The following ERAP1 variants were observed in gnomAD, a reference collection of about 807,000 sequenced individuals.
The protein encoded by ERAP1 is adipocyte-derived leucine aminopeptidase.
Under a neutral mutation model 103.7 loss-of-function variants are expected in ERAP1, and 86 were observed. The observed-to-expected ratio is 0.83, with a 90% CI of 0.70 to 0.99. The LOEUF is 0.99. Ranked by LOEUF, ERAP1 falls within the 50% of genes least tolerant of loss-of-function variation. The pLI is 0.00. For missense variants in ERAP1, 1,009 were observed against 1,128.4 expected (o/e 0.89, Z 1.52); for synonymous variants, 398 against 402.4 (o/e 0.99, Z 0.13).
chr5:96,847,156 G>C, the ERAP1 span, among the ~76,000 whole-genome samples: 1 of 150,418 alleles, frequency 6.6e-6, no homozygotes, highest in Non-Finnish European at 1.5e-5. Context: ...GCTGAGGCAG[G>C]AGAATCGCTT....
chr5:96,801,125 A>G (rs1777943502), intron 2 of ERAP1, 125 bp from the exon 3 acceptor site: 1 of 1,083,886 alleles, frequency 9.2e-7, no homozygotes, highest in South Asian at 1.4e-5. Flanking sequence ...AAAATATTTC[A>G]TCTGACAAAA....
intron 19 of ERAP1, among the ~76,000 whole-genome samples, chr5:96,768,186 C>T (rs910765412): frequency 3.9e-5 from 6 of 152,146 alleles, no homozygotes; most frequent in Non-Finnish European, 5.9e-5. Flanking sequence ...TGGGCTCAAG[C>T]AATCCTCCTA....
chr5:96,911,626 C>A, the ERAP1 span, among the ~76,000 whole-genome samples: 1 of 151,984 alleles, frequency 6.6e-6, no homozygotes. Flanking sequence ...TAGCTCATGC[C>A]TGTAAGGCCA....
intron 13 of ERAP1, among the ~76,000 whole-genome samples, chr5:96,784,289 G>A (rs1484754639): frequency 6.6e-6 from 1 of 152,188 alleles, no homozygotes; most frequent in Non-Finnish European, 1.5e-5. Context: ...GAGGTCGGGA[G>A]TTCAAGACCA....
the ERAP1 span, among the ~76,000 whole-genome samples, chr5:96,840,546 G>A: frequency 6.6e-6 from 1 of 152,082 alleles, no homozygotes; most frequent in Non-Finnish European, 1.5e-5. Flanking sequence ...ATGTGTAAAT[G>A]TTTCACTTCT....
At chr5:96,879,965 T>A in the ERAP1 span, 1 of 1,614,202 alleles carries the variant, frequency 6.2e-7, no homozygotes, top group South Asian at 1.1e-5. Flanking sequence ...CTTTGTTGCA[T>A]CTGAGAAGAT....
the ERAP1 span, among the ~76,000 whole-genome samples, chr5:96,843,115 A>G: frequency 5.3e-5 from 8 of 152,244 alleles, no homozygotes; most frequent in African/African-American, 1.9e-4. Flanking sequence ...GCAAGGAAAC[A>G]ATGAAGCAAC....
chr5:96,901,610 C>G, the ERAP1 span: 2 of 1,614,000 alleles, frequency 1.2e-6, no homozygotes, highest in East Asian at 2.2e-5. Flanking sequence ...GGTGTTCACT[C>G]CGACTGCAAC....
the ERAP1 span, among the ~76,000 whole-genome samples, chr5:96,877,210 GGTGATCT>G: frequency 6.6e-6 from 1 of 152,130 alleles, no homozygotes; most frequent in East Asian, 1.9e-4. Context: ...CCTGACCTCA[GGTGATCT>G]GCCCACCTTG....
the ERAP1 span, among the ~76,000 whole-genome samples, chr5:96,827,690 C>T: frequency 1.4e-5 from 2 of 138,582 alleles, no homozygotes; most frequent in African/African-American, 2.7e-5. Flanking sequence ...TAAATAAAAA[C>T]GTTTTTTGGG....
chr5:96,925,233 T>C, the ERAP1 span, among the ~76,000 whole-genome samples: 1 of 152,240 alleles, frequency 6.6e-6, no homozygotes, highest in South Asian at 2.1e-4. Context: ...GCTTACTTTG[T>C]GCCAGTCTCT....
chr5:96,905,106 C>G, the ERAP1 span, among the ~76,000 whole-genome samples: 5 of 151,988 alleles, frequency 3.3e-5, no homozygotes. Flanking sequence ...GCAGTACTTA[C>G]TCAATAAATG....
chr5:96,883,487 T>C, the ERAP1 span, among the ~76,000 whole-genome samples: 8 of 152,250 alleles, frequency 5.3e-5, no homozygotes, highest in Non-Finnish European at 5.9e-5. Flanking sequence ...TTCAGTCATT[T>C]ACTGGCTGCG....
At chr5:96,901,786 C>A in the ERAP1 span, 1 of 1,164,910 alleles carries the variant, frequency 8.6e-7, no homozygotes, top group Non-Finnish European at 1.2e-6. Context: ...ATGCTAGTTC[C>A]ATATAAGAAT....
the ERAP1 span, among the ~76,000 whole-genome samples, chr5:96,865,027 T>C: frequency 6.6e-6 from 1 of 152,174 alleles, no homozygotes; most frequent in South Asian, 2.1e-4. Context: ...TTTTTGTCCT[T>C]TAACTTTTGT....
the ERAP1 span, among the ~76,000 whole-genome samples, chr5:96,890,145 T>TA: frequency 6.6e-6 from 1 of 152,156 alleles, no homozygotes; most frequent in Non-Finnish European, 1.5e-5. Context: ...TCTTAAAAAA[T>TA]AAAAAACGTT....
At chr5:96,850,699 G>A in the ERAP1 span, among the ~76,000 whole-genome samples, 1 of 152,106 alleles carries the variant, frequency 6.6e-6, no homozygotes, top group Non-Finnish European at 1.5e-5. Context: ...ATTCCACGAT[G>A]TATACCTGTA....
the ERAP1 span, chr5:96,892,325 C>T: frequency 1.9e-6 from 3 of 1,613,892 alleles, no homozygotes; most frequent in African/African-American, 2.7e-5. Flanking sequence ...TGACTTTGCA[C>T]CTGGAGCCAT....
At chr5:96,812,522 T>A (rs1017732102), upstream of ERAP1, among the ~76,000 whole-genome samples, 1 of 152,244 alleles carries the variant, frequency 6.6e-6, no homozygotes, top group Non-Finnish European at 1.5e-5. Flanking sequence ...CCTAAAGGAA[T>A]GATAAAAATA....
Sources: allele counts gnomAD v4.1 joint callset (sites outside exome capture counted in the v4.1 genomes callset), GRCh38; gene constraint gnomAD v4.1.1; transcripts MANE v1.5; gene names NCBI Gene and HGNC (gene_info 2026-07-23, HGNC 2026-07-21).